The following U2SURP variants were observed in gnomAD, a reference collection of about 807,000 sequenced individuals.
U2SURP encodes the protein U2 snRNP-associated SURP motif-containing protein.
U2SURP carries 9 observed loss-of-function variants against 144.9 expected under a neutral mutation model. The observed-to-expected ratio is 0.06, with a 90% CI of 0.04 to 0.11. The LOEUF is 0.11. Ranked by LOEUF, U2SURP falls within the 10% of genes least tolerant of loss-of-function variation. U2SURP has a pLI of 1.00. For missense variants in U2SURP, 724 were observed against 1,226.7 expected, an observed-to-expected ratio of 0.59 and a Z score of 6.12; for synonymous variants, 408 against 396.8, an observed-to-expected ratio of 1.03 and a Z score of -0.33.
At chr3:143,005,396 A>AT (rs1935783772) in intron 1 of U2SURP, among the ~76,000 whole-genome samples, 1 of 152,230 alleles carries the variant, frequency 6.6e-6, no homozygotes, top group South Asian at 2.1e-4. Context: ...AAGTTTATGA[A>AT]AAAGTCCAAA....
At chr3:143,034,862 TA>T in intron 18 of U2SURP, 25 bp from the exon 19 acceptor site, 1 of 1,446,116 alleles carries the variant, frequency 6.9e-7, no homozygotes, top group East Asian at 2.3e-5. Flanking sequence ...CATTTTATTT[TA>T]AAGAATGTGT....
chr3:143,021,213 A>G (rs1936612745), intron 8 of U2SURP, 137 bp from the exon 9 acceptor site: 2 of 971,638 alleles, frequency 2.1e-6, no homozygotes, highest in Non-Finnish European at 3.1e-6. Flanking sequence ...CAACAACAAC[A>G]GAGTTGTGTG....
chr3:143,010,591 T>C (rs2173599), intron 1 of U2SURP, among the ~76,000 whole-genome samples: 50,042 of 152,098 alleles, frequency 0.33, 8,596 homozygotes, highest in Non-Finnish European at 0.38. Flanking sequence ...CACTAGTGTT[T>C]ATTATATTTT....
In U2SURP at chr3:143,015,284, A is replaced by G. The variant is rs769862208; in HGVS notation, c.321+875A>G. 5.3e-5 allele frequency among the ~76,000 whole-genome samples: 8 copies of G among 152,046 alleles called. No homozygotes were observed. The East Asian group carries it at 5.8e-4, about 11-fold the overall frequency. On this transcript the variant is annotated intron_variant, in intron 4 of 27. Coordinates refer to ENST00000473835, the MANE Select transcript of U2SURP (RefSeq NM_001080415.2). ...GCTCATATCTGAACCATTTTTTTCT[A>G]TAAGTTATATTAACACTTTGTTATA...
chr3:143,033,206 A>T lies in U2SURP; in HGVS notation c.1774-65A>T. ...TATAACTCTTCTAATTAGTAGCCAT[A>T]ATTAAATTATAGCTAAACATTAGCC... is the stretch of plus-strand genomic sequence containing the variant. On this transcript the variant is annotated intron_variant, in intron 17 of 27. Coordinates refer to ENST00000473835, the MANE Select transcript of U2SURP (RefSeq NM_001080415.2). The T allele has an allele frequency of 2.9e-6, 3 of 1,022,844 alleles. No individual in the cohort carries two copies. The South Asian group carries it at 4.4e-5, about 15-fold the overall frequency. The allele number at this position is 1,022,844 out of a possible 1,614,324, so 63.4% of individuals were successfully genotyped here.
intron 4 of U2SURP, among the ~76,000 whole-genome samples, chr3:143,015,868 C>T (rs1012733823): frequency 7.9e-5 from 12 of 152,068 alleles, no homozygotes; most frequent in African/African-American, 2.7e-4. Context: ...TTCTAATACT[C>T]ATGTTTTTGG....
chr3:143,003,035 A>G (rs1468430504), intron 1 of U2SURP, among the ~76,000 whole-genome samples: 1 of 152,138 alleles, frequency 6.6e-6, no homozygotes, highest in Non-Finnish European at 1.5e-5. Context: ...AGTCGTGCAT[A>G]AGCCTCACAA....
intron 1 of U2SURP, among the ~76,000 whole-genome samples, chr3:143,004,899 T>G (rs1430621936): frequency 6.6e-6 from 1 of 152,114 alleles, no homozygotes; most frequent in East Asian, 1.9e-4. Context: ...ATGTAGTAGC[T>G]TTCATTTTGA....
At chr3:143,044,286 C>T (rs1339202500) in intron 24 of U2SURP, among the ~76,000 whole-genome samples, 2 of 33,834 alleles carry the variant, frequency 5.9e-5, no homozygotes, top group Admixed American at 4.4e-4. Context: ...CCTCTCCCCT[C>T]TCCTTTTTTT....
At chr3:143,009,692 C>T (rs150989912) in intron 1 of U2SURP, among the ~76,000 whole-genome samples, 8 of 152,128 alleles carry the variant, frequency 5.3e-5, no homozygotes, top group African/African-American at 1.4e-4. Flanking sequence ...TATGCTAATG[C>T]GCAATACAGT....
At chr3:143,038,738 G>A (rs1419766897) in intron 22 of U2SURP, among the ~76,000 whole-genome samples, 156 bp from the exon 23 acceptor site, 20 of 151,776 alleles carry the variant, frequency 1.3e-4, no homozygotes, top group Non-Finnish European at 1.5e-5. Context: ...AAGAGATTTG[G>A]CATATAGAAA....
rs869186497 is a variant in U2SURP, at chr3:143,004,353, GTTTTTTTTT to G, written c.45+2700_45+2708del. Among the ~76,000 whole-genome samples the G allele has an allele frequency of 4.7e-3, 391 of 83,406 alleles. 7 individuals carry two copies. Among genetic ancestry groups the G allele is most frequent in the Middle Eastern group, 0.016 (2 of 122 alleles). The allele number at this position is 83,406 out of a possible 152,430, so 54.7% of individuals were successfully genotyped here. On this transcript the variant is annotated intron_variant, in intron 1 of 27. Transcript: ENST00000473835. ...CCTCTACAGGTCTTCTAGTTGGGGT[GTTTTTTTTT>G]TTTTTTTTTTTTTTTTTTTGAGAGG...
At chr3:143,054,901 C>T in intron 26 of U2SURP, 42 bp from the exon 27 acceptor site, 1 of 1,516,236 alleles carries the variant, frequency 6.6e-7, no homozygotes, top group East Asian at 2.4e-5. Context: ...ATACCCGATC[C>T]TTTGCTCATT....
rs560427922 is a variant in U2SURP, at chr3:143,001,654, C to A, written c.26C>A (p.Ser9Tyr). 6 of 1,614,030 alleles carry A rather than the reference C, an allele frequency of 3.7e-6. No individual in the cohort carries two copies. In the Admixed American group the frequency reaches 5.0e-5, roughly 13 times the overall value. The change falls in exon 1 of 28, where the codon TCT becomes TAT. Residue 9 changes from serine to tyrosine, a missense_variant. Coordinates refer to ENST00000473835, the MANE Select transcript of U2SURP (RefSeq NM_001080415.2). MADKTPGG[S>Y]QKASSKTRSS... ...ATGGCGGACAAAACGCCAGGCGGATCTCAGAAGGCCAGTTCAAAGGTAATT... is the reference window on the plus strand; with the variant it reads ...ATGGCGGACAAAACGCCAGGCGGATATCAGAAGGCCAGTTCAAAGGTAATT...
intron 27 of U2SURP, 75 bp downstream of exon 27, chr3:143,055,194 T>C (rs983519962): frequency 1.5e-6 from 2 of 1,358,400 alleles, no homozygotes; most frequent in Non-Finnish European, 2.0e-6. Context: ...GAAAATAATT[T>C]GGTTGGCATA....
At chr3:143,050,494 G>C (rs974462438) in intron 24 of U2SURP, among the ~76,000 whole-genome samples, 4 of 152,180 alleles carry the variant, frequency 2.6e-5, no homozygotes, top group African/African-American at 9.7e-5. Flanking sequence ...TTCAGACTGT[G>C]TGCAGCTTTG....
chr3:143,041,018 A>G (rs1182454333), intron 23 of U2SURP, among the ~76,000 whole-genome samples: 1 of 151,862 alleles, frequency 6.6e-6, no homozygotes. Context: ...GAAAGCAAAC[A>G]TTTTGGTAAA....
At chr3:143,024,848 C>A (rs1404745325) in intron 13 of U2SURP, among the ~76,000 whole-genome samples, 1 of 151,796 alleles carries the variant, frequency 6.6e-6, no homozygotes, top group Non-Finnish European at 1.5e-5. Flanking sequence ...ACGATCGACT[C>A]CAATAAATGT....
chr3:143,038,988 T>C (rs1480788546), intron 23 of U2SURP, 28 bp downstream of exon 23: 1 of 1,424,892 alleles, frequency 7.0e-7, no homozygotes, highest in South Asian at 1.4e-5. Flanking sequence ...GAATATACTG[T>C]TTCTTGTTCA....
Sources: allele counts gnomAD v4.1 joint callset (sites outside exome capture counted in the v4.1 genomes callset), GRCh38; gene constraint gnomAD v4.1.1; transcripts MANE v1.5; gene names NCBI Gene and HGNC (gene_info 2026-07-23, HGNC 2026-07-21).